The following GTF2I variants were observed in gnomAD, a reference collection of about 807,000 sequenced individuals.
GTF2I encodes the protein general transcription factor IIi, also known as general transcription factor II-I.
Under a neutral mutation model 67.6 loss-of-function variants are expected in GTF2I, and 12 were observed. The observed-to-expected ratio is 0.18, with a 90% CI of 0.11 to 0.29. GTF2I has a LOEUF of 0.29. Among genes scored for constraint, GTF2I ranks in the 10% least tolerant of loss-of-function variants. The probability of loss-of-function intolerance (pLI) is 1.00; values close to 1 mark genes in which losing one functional copy is unlikely to be tolerated. For synonymous variants in GTF2I, 149 were observed against 197.0 expected, an observed-to-expected ratio of 0.76 and a Z score of 2.04; for missense variants, 271 against 580.1, an observed-to-expected ratio of 0.47 and a Z score of 5.47.
intron 8 of GTF2I, among the ~76,000 whole-genome samples, chr7:74,709,295 CTGGAG>C (rs1791201160): frequency 6.6e-6 from 1 of 152,158 alleles, no homozygotes; most frequent in East Asian, 1.9e-4. Flanking sequence ...GTCGTCCAGA[CTGGAG>C]TGCAGTCGTG....
At chr7:74,663,633 A>G (rs1804711639) in intron 1 of GTF2I, among the ~76,000 whole-genome samples, 1 of 152,130 alleles carries the variant, frequency 6.6e-6, no homozygotes, top group South Asian at 2.1e-4. Context: ...AACTGAAAGA[A>G]AGTAGAAAAT....
chr7:74,710,884 A>G (rs1017982623), intron 8 of GTF2I, 148 bp from the exon 9 acceptor site: 1 of 489,104 alleles, frequency 2.0e-6, no homozygotes, highest in East Asian at 3.7e-5. Context: ...TCTGCTACCT[A>G]GCAAACTTTT....
At chr7:74,681,403 C>G (rs1787256609) in intron 1 of GTF2I, among the ~76,000 whole-genome samples, 1 of 151,100 alleles carries the variant, frequency 6.6e-6, no homozygotes, top group East Asian at 1.9e-4. Flanking sequence ...CCATTGCACT[C>G]TAGCCTGGGC....
At chr7:74,749,915 A>G (rs1432904920) in intron 26 of GTF2I, among the ~76,000 whole-genome samples, 1 of 149,932 alleles carries the variant, frequency 6.7e-6, no homozygotes, top group African/African-American at 2.4e-5. Context: ...AAAAAAAAGA[A>G]GAAGAAATTT....
At chr7:74,662,027 T>TA (rs1323688102) in intron 1 of GTF2I, among the ~76,000 whole-genome samples, 1 of 151,568 alleles carries the variant, frequency 6.6e-6, no homozygotes, top group Non-Finnish European at 1.5e-5. Context: ...CCCTTGGAGG[T>TA]AGGGGGGTTG....
rs368452418 is a variant in GTF2I, at chr7:74,700,335, G to T, written c.462G>T (p.Pro154=). Residue 154 remains proline, a synonymous_variant, in exon 5 of 35, where the codon CCG becomes CCT. Coordinates refer to ENST00000573035, the MANE Select transcript of GTF2I (RefSeq NM_032999.4). The part of the protein sequence containing the change: ...DQSAVVVQGL[P]EGVAFKHPEN... ...CGGCTGTGGTAGTGCAGGGGCTTCCGGAAGGTGTTGCCTTTAAACACCCCG... is the reference window on the plus strand; with the variant it reads ...CGGCTGTGGTAGTGCAGGGGCTTCCTGAAGGTGTTGCCTTTAAACACCCCG... 6.2e-7 allele frequency: 1 copy of T among 1,614,082 alleles called. No homozygotes were observed. The highest frequency in any genetic ancestry group is 1.3e-5 in the African/African-American group (1 of 75,010).
At chr7:74,681,565 G>C (rs1554394146) in intron 1 of GTF2I, among the ~76,000 whole-genome samples, 1 of 152,184 alleles carries the variant, frequency 6.6e-6, no homozygotes, top group African/African-American at 2.4e-5. Flanking sequence ...CCAGCCCACA[G>C]TAATTGGGTT....
chr7:74,719,849 G>A (rs1471823966), intron 12 of GTF2I, among the ~76,000 whole-genome samples: 2 of 152,166 alleles, frequency 1.3e-5, no homozygotes, highest in Admixed American at 1.3e-4. Flanking sequence ...GAACCCTGGA[G>A]GCAGAGGTTG....
chr7:74,664,978 G>A (rs1319170494), intron 1 of GTF2I, among the ~76,000 whole-genome samples: 1 of 147,590 alleles, frequency 6.8e-6, no homozygotes, highest in Admixed American at 6.8e-5. Flanking sequence ...TTTTGCTCTT[G>A]TTGCCCAGGC....
At chr7:74,697,727 T>C (rs587661027) in intron 3 of GTF2I, among the ~76,000 whole-genome samples, 2 of 152,328 alleles carry the variant, frequency 1.3e-5, no homozygotes, top group African/African-American at 4.8e-5. Flanking sequence ...TATTTTAGAT[T>C]TTTATTTGAA....
intron 2 of GTF2I, 114 bp downstream of exon 2, chr7:74,689,341 T>C (rs1479965788): frequency 2.0e-6 from 1 of 501,030 alleles, no homozygotes; most frequent in Non-Finnish European, 3.5e-6. Context: ...TGAGTACTTT[T>C]TCTTTACTTT....
intron 10 of GTF2I, 144 bp downstream of exon 10, chr7:74,715,060 CAT>C: frequency 2.1e-6 from 1 of 473,048 alleles, no homozygotes; most frequent in South Asian, 5.9e-5. Flanking sequence ...CTTTTTTTAA[CAT>C]ATAAATGAAC....
At chr7:74,731,439 A>G (rs1395150574) in intron 14 of GTF2I, among the ~76,000 whole-genome samples, 3 of 146,864 alleles carry the variant, frequency 2.0e-5, no homozygotes, top group Non-Finnish European at 4.5e-5. Flanking sequence ...TAATGAATTC[A>G]GTAACTTTTC....
intron 1 of GTF2I, among the ~76,000 whole-genome samples, chr7:74,676,018 A>G (rs1805874115): frequency 6.8e-6 from 1 of 146,652 alleles, no homozygotes; most frequent in Admixed American, 6.7e-5. Context: ...TAAAACAAAC[A>G]AACAAACAAA....
At chr7:74,707,827 T>C (rs1378763366) in intron 8 of GTF2I, among the ~76,000 whole-genome samples, 4 of 152,192 alleles carry the variant, frequency 2.6e-5, no homozygotes, top group South Asian at 2.1e-4. Flanking sequence ...ATGTGTTTAA[T>C]TGAATTCTTT....
chr7:74,691,660 C>T (rs896136441), intron 3 of GTF2I, among the ~76,000 whole-genome samples: 2 of 152,098 alleles, frequency 1.3e-5, no homozygotes, highest in African/African-American at 4.8e-5. Flanking sequence ...GTTTGTTGTA[C>T]GGTGTTCCTT....
chr7:74,720,175 T>C (rs1792763179), intron 12 of GTF2I, among the ~76,000 whole-genome samples: 1 of 152,228 alleles, frequency 6.6e-6, no homozygotes, highest in African/African-American at 2.4e-5. Context: ...TACATTACAA[T>C]GCACATTTTA....
chr7:74,691,348 A>C (rs994197810), intron 3 of GTF2I, among the ~76,000 whole-genome samples: 53 of 151,958 alleles, frequency 3.5e-4, no homozygotes, highest in African/African-American at 1.3e-3. Flanking sequence ...CTGGGATTAC[A>C]GGCACGCGCC....
chr7:74,662,256 G>C (rs1395457375), intron 1 of GTF2I, among the ~76,000 whole-genome samples: 1 of 136,630 alleles, frequency 7.3e-6, no homozygotes, highest in African/African-American at 2.7e-5. Context: ...CTGTCGCCCA[G>C]GCTGGAGTGC....
Sources: gnomAD v4.1 joint callset for allele counts (sites outside exome capture counted in the v4.1 genomes callset) on GRCh38, gnomAD v4.1.1 for gene constraint, MANE v1.5 for transcripts, NCBI Gene and HGNC (gene_info 2026-07-23, HGNC 2026-07-21) for gene names.